The following KCNAB1 variants were observed in gnomAD, a reference collection of about 807,000 sequenced individuals.
KCNAB1 encodes the protein voltage-gated potassium channel subunit beta-1.
KCNAB1 carries 35 observed loss-of-function variants against 64.6 expected under a neutral mutation model. The observed-to-expected ratio is 0.54, with a 90% CI of 0.41 to 0.72. The LOEUF is 0.72. KCNAB1 is among the 30% of genes least tolerant of loss of function. The pLI is 0.00. For synonymous variants in KCNAB1, 177 were observed against 183.8 expected (o/e 0.96, Z 0.30); for missense variants, 401 against 512.9 (o/e 0.78, Z 2.11).
At chr3:156,364,292 T>C (rs557679105) in intron 1 of KCNAB1, among the ~76,000 whole-genome samples, 59 of 152,156 alleles carry the variant, frequency 3.9e-4, no homozygotes, top group Non-Finnish European at 6.5e-4. Context: ...AACACTAGGG[T>C]AAAGTGATTA....
rs71310467 is a variant in KCNAB1 at position 156,173,131 on chromosome 3, C to G, written c.275+52245C>G. On this transcript the variant is annotated intron_variant, in intron 1 of 13. Transcript: ENST00000490337. Reference sequence around the variant, plus strand: ...TCTGAATGTCGGATGCCTCAAGTCACTGCGGTCAACAGGCAGTGTTGCTGT... The same window carrying G: ...TCTGAATGTCGGATGCCTCAAGTCAGTGCGGTCAACAGGCAGTGTTGCTGT... Among the ~76,000 whole-genome samples, 510 of 152,346 alleles carry G rather than the reference C, an allele frequency of 3.3e-3. 2 individuals are homozygous for G. Among genetic ancestry groups the G allele is most frequent in the Non-Finnish European group, 5.5e-3 (377 of 68,030 alleles).
chr3:156,457,572 T>C (rs745359762), intron 4 of KCNAB1, 40 bp downstream of exon 4: 3 of 1,539,836 alleles, frequency 1.9e-6, no homozygotes, highest in South Asian at 2.2e-5. Flanking sequence ...ATGGCATCTG[T>C]AGCACCAAAA....
chr3:156,474,290 A>G (rs1001763311), intron 7 of KCNAB1, among the ~76,000 whole-genome samples: 13 of 152,174 alleles, frequency 8.5e-5, no homozygotes, highest in Admixed American at 6.5e-4. Flanking sequence ...TCTGATTTAA[A>G]CCATTTTAAT....
At chr3:156,139,585 T>TTTTTTTTTTTTTTG (rs1714578497) in intron 1 of KCNAB1, among the ~76,000 whole-genome samples, 3 of 28,398 alleles carry the variant, frequency 1.1e-4, no homozygotes, top group African/African-American at 3.4e-4. Context: ...TTGTACTGTG[T>TTTTTTTTTTTTTTG]TTTTTTTTTT....
rs577218054 is a variant in KCNAB1, at chr3:156,437,612, T to C, written c.320-15287T>C. ...TTGTCCCAGAAAACGAGACTGCTGA[T>C]ATTATTTTTTTTTATTTCACATTTA... is the stretch of plus-strand genomic sequence containing the variant. On this transcript the variant is annotated intron_variant, in intron 2 of 13. Coordinates refer to ENST00000490337, the MANE Select transcript of KCNAB1 (RefSeq NM_172160.3). 8.0e-4 allele frequency among the ~76,000 whole-genome samples: 122 copies of C among 152,310 alleles called. 1 individual carries two copies. The highest frequency in any genetic ancestry group is 5.0e-3 in the South Asian group (24 of 4,824).
intron 1 of KCNAB1, among the ~76,000 whole-genome samples, chr3:156,150,151 C>T (rs1002787511): frequency 2.6e-5 from 4 of 152,012 alleles, no homozygotes; most frequent in Admixed American, 1.3e-4. Flanking sequence ...AGGCTCAGGA[C>T]GTATGTGATT....
At chr3:156,139,584 G>GTTTTTTT (rs386398329) in intron 1 of KCNAB1, among the ~76,000 whole-genome samples, 947 of 55,250 alleles carry the variant, frequency 0.017, 136 homozygotes, top group Non-Finnish European at 0.024. Context: ...ATTGTACTGT[G>GTTTTTTT]TTTTTTTTTT....
intron 1 of KCNAB1, among the ~76,000 whole-genome samples, chr3:156,385,207 G>A (rs992964969): frequency 2.0e-5 from 3 of 152,118 alleles, no homozygotes; most frequent in Non-Finnish European, 4.4e-5. Flanking sequence ...AGAAACATGT[G>A]CCCTAAGGAA....
At chr3:156,379,964 A>G (rs1272857710) in intron 1 of KCNAB1, among the ~76,000 whole-genome samples, 1 of 152,188 alleles carries the variant, frequency 6.6e-6, no homozygotes, top group Non-Finnish European at 1.5e-5. Flanking sequence ...AGTCAGGACT[A>G]GTGCTAAGGT....
At chr3:156,291,881 A>AG in intron 1 of KCNAB1, 1 of 1,613,444 alleles carries the variant, frequency 6.2e-7, no homozygotes. Flanking sequence ...GGGTTCTGAG[A>AG]GGGACCGTGC....
chr3:156,176,524 G>A, intron 1 of KCNAB1: 1 of 801,234 alleles, frequency 1.2e-6, no homozygotes, highest in South Asian at 1.3e-5. Context: ...TTTTATCTGT[G>A]GATGCTGGGA....
rs1210135151 is a variant in KCNAB1, at chr3:156,536,721, T to C, written c.1234T>C (p.Tyr412His). The change falls in exon 14 of 14, where the codon TAC becomes CAC. Residue 412 changes from tyrosine to histidine, a missense_variant. Transcript: ENST00000490337. Reference sequence around the variant, plus strand: ...TGATAACATACTGCGCAACAAGCCCTACAGCAAGAAGGACTATAGATCATA... The same window carrying C: ...TGATAACATACTGCGCAACAAGCCCCACAGCAAGAAGGACTATAGATCATA... Reference protein sequence around the residue: ...EIDNILRNKPYSKKDYRS With the variant: ...EIDNILRNKPHSKKDYRS 1.2e-6 allele frequency: 2 copies of C among 1,612,292 alleles called. No homozygotes were observed. Among genetic ancestry groups the C allele is most frequent in the South Asian group, 2.2e-5 (2 of 91,042 alleles).
chr3:156,235,552 C>G (rs1171837445), intron 1 of KCNAB1, among the ~76,000 whole-genome samples: 2 of 152,220 alleles, frequency 1.3e-5, no homozygotes, highest in African/African-American at 4.8e-5. Flanking sequence ...GCCCACGTGG[C>G]TGACCCAAAT....
intron 1 of KCNAB1, among the ~76,000 whole-genome samples, chr3:156,266,473 CAGCTGTGT>C (rs1718718990): frequency 6.6e-6 from 1 of 152,206 alleles, no homozygotes. Flanking sequence ...CCTCTCTGCA[CAGCTGTGT>C]GATAGATTGA....
chr3:156,433,546 GA>G (rs1343515879), intron 2 of KCNAB1, among the ~76,000 whole-genome samples: 1 of 152,142 alleles, frequency 6.6e-6, no homozygotes, highest in Non-Finnish European at 1.5e-5. Flanking sequence ...AGAACACAAG[GA>G]AAAGAACAAT....
intron 1 of KCNAB1, among the ~76,000 whole-genome samples, chr3:156,339,540 G>T (rs1723957184): frequency 6.6e-6 from 1 of 152,170 alleles, no homozygotes; most frequent in South Asian, 2.1e-4. Context: ...TCAGATCTGT[G>T]GCTCCAGTGC....
intron 12 of KCNAB1, among the ~76,000 whole-genome samples, chr3:156,530,595 C>T (rs1030662710): frequency 9.2e-5 from 14 of 152,106 alleles, no homozygotes; most frequent in South Asian, 6.2e-4. Context: ...CTCTCTAGCA[C>T]GCTCAGCTAC....
intron 1 of KCNAB1, among the ~76,000 whole-genome samples, chr3:156,367,999 A>C (rs1726056269): frequency 6.6e-6 from 1 of 152,178 alleles, no homozygotes; most frequent in Admixed American, 6.5e-5. Context: ...GATTTTATGC[A>C]ATTAAACCTA....
chr3:156,373,101 A>G (rs1236514180), intron 1 of KCNAB1, among the ~76,000 whole-genome samples: 1 of 152,266 alleles, frequency 6.6e-6, no homozygotes, highest in Non-Finnish European at 1.5e-5. Flanking sequence ...GCAGATGACC[A>G]GTTAGCAACT....
Sources: gnomAD v4.1 joint callset for allele counts (sites outside exome capture counted in the v4.1 genomes callset) on GRCh38, gnomAD v4.1.1 for gene constraint, MANE v1.5 for transcripts, NCBI Gene and HGNC (gene_info 2026-07-23, HGNC 2026-07-21) for gene names.